Variants in DST observed in about 807,000 individuals in gnomAD.
The protein encoded by DST is bullous pemphigoid antigen.
In DST, 253 loss-of-function variants were observed where a neutral mutation model predicts 875.2. The observed-to-expected ratio is 0.29, with a 90% CI of 0.26 to 0.32. DST has a LOEUF of 0.32. DST is among the 10% of genes least tolerant of loss of function. The pLI is 1.00. For synonymous variants in DST, 3,124 were observed against 3,197.1 expected, an observed-to-expected ratio of 0.98 and a Z score of 0.77; for missense variants, 8,287 against 9,111.6, an observed-to-expected ratio of 0.91 and a Z score of 3.68.
intron 4 of DST, among the ~76,000 whole-genome samples, chr6:56,771,803 C>T (rs2099666738): frequency 6.6e-6 from 1 of 152,184 alleles, no homozygotes; most frequent in African/African-American, 2.4e-5. Flanking sequence ...TCTAAATGCA[C>T]ATATACATGT....
intron 69 of DST, among the ~76,000 whole-genome samples, chr6:56,517,920 T>A (rs900682021): frequency 4.6e-5 from 7 of 152,152 alleles, no homozygotes; most frequent in Non-Finnish European, 7.4e-5. Flanking sequence ...ACCTTAGGAG[T>A]ACTGTCCAAA....
At chr6:56,526,727 T>C (rs1404792710) in intron 68 of DST, among the ~76,000 whole-genome samples, 160 bp from the exon 69 acceptor site, 2 of 151,914 alleles carry the variant, frequency 1.3e-5, no homozygotes, top group Non-Finnish European at 2.9e-5. Flanking sequence ...CTTTTTTATC[T>C]AAAGCTATTT....
Position 56,471,098 on chromosome 6 carries a change from G to C in DST, c.22321+8C>G. Reference sequence around the variant, plus strand: ...GTATCAGTCATAGTCATCTGTCTTGGAACTTACTTGAGGAAAGAATTCCAT... The same window carrying C: ...GTATCAGTCATAGTCATCTGTCTTGCAACTTACTTGAGGAAAGAATTCCAT... On this transcript the variant is annotated splice_region_variant and intron_variant, in intron 95 of 103. Transcript: ENST00000680361. 1 of 1,609,580 alleles carries C rather than the reference G, an allele frequency of 6.2e-7. No individual in the cohort carries two copies.
chr6:56,702,208 A>G (rs2099311586), intron 7 of DST, among the ~76,000 whole-genome samples: 1 of 152,138 alleles, frequency 6.6e-6, no homozygotes, highest in Admixed American at 6.6e-5. Flanking sequence ...TTTTTGTTTA[A>G]ACAAAAGGAA....
At chr6:56,831,894 G>A (rs897265273) in intron 4 of DST, among the ~76,000 whole-genome samples, 1 of 151,974 alleles carries the variant, frequency 6.6e-6, no homozygotes, top group Admixed American at 6.6e-5. Flanking sequence ...CTAGAAATAT[G>A]AGAAAGGTTG....
intron 4 of DST, among the ~76,000 whole-genome samples, chr6:56,844,276 C>G (rs762695982): frequency 1.3e-5 from 2 of 152,176 alleles, no homozygotes; most frequent in African/African-American, 2.4e-5. Flanking sequence ...GCCTGAGCTC[C>G]CGGCCGCCGC....
chr6:56,946,251 G>C (rs1819434224), intron 2 of DST, among the ~76,000 whole-genome samples: 3 of 152,168 alleles, frequency 2.0e-5, no homozygotes, highest in African/African-American at 7.2e-5. Flanking sequence ...TCAAATACTG[G>C]ATAGATCAAC....
rs140899325 is a variant in DST, at chr6:56,820,245, T to C, written c.625+31152A>G. Among the ~76,000 whole-genome samples the C allele has an allele frequency of 6.0e-3, 920 of 152,350 alleles. 7 individuals carry two copies. Among genetic ancestry groups the C allele is most frequent in the Non-Finnish European group, 7.7e-3 (521 of 68,020 alleles). ...TCAAGTCATTGCTTTGAGGATGACATAATTCACAGAAAACACTTATACTAT... is the reference window on the plus strand; with the variant it reads ...TCAAGTCATTGCTTTGAGGATGACACAATTCACAGAAAACACTTATACTAT... On this transcript the variant is annotated intron_variant, in intron 4 of 103. Coordinates refer to ENST00000680361, the MANE Select transcript of DST (RefSeq NM_001374736.1).
In DST at chr6:56,900,556, T is replaced by C. The variant is rs375724834; in HGVS notation, c.282A>G (p.Glu94=). 4.4e-6 allele frequency: 6 copies of C among 1,367,580 alleles called. No homozygotes were observed. Among genetic ancestry groups the C allele is most frequent in the Non-Finnish European group, 5.9e-6 (6 of 1,021,866 alleles). The allele number at this position is 1,367,580 out of a possible 1,614,324, so 84.7% of individuals were successfully genotyped here. The change falls in exon 3 of 104, where the codon GAA becomes GAG. Residue 94 remains glutamate, a synonymous_variant. Transcript: ENST00000680361. The part of the protein sequence containing the change: ...RVAAAAAARL[E]EVKPVVEVHH... ...GAACTTCCACCACGGGCTTCACTTC[T>C]TCCAGACGGGCAGCTGCGGCCGCTG...
chr6:56,694,627 G>T (rs1253085391), intron 9 of DST, among the ~76,000 whole-genome samples: 1 of 152,134 alleles, frequency 6.6e-6, no homozygotes, highest in East Asian at 1.9e-4. Context: ...TGATGGAGGG[G>T]CAACCAGTGA....
At chr6:56,679,650 G>A (rs943190828) in intron 9 of DST, among the ~76,000 whole-genome samples, 10 of 150,762 alleles carry the variant, frequency 6.6e-5, no homozygotes, top group African/African-American at 2.4e-4. Context: ...ACGTGCCTGC[G>A]GTCCAAGCTT....
chr6:56,632,781 T>G, intron 28 of DST, 73 bp downstream of exon 28: 1 of 1,238,164 alleles, frequency 8.1e-7, no homozygotes, highest in Non-Finnish European at 1.2e-6. Flanking sequence ...AGATTGAGAT[T>G]CCCATTGAGA....
At position 56,926,766 on chromosome 6, in the gene DST, G is replaced by A. The variant is rs189819475; in HGVS notation, c.217-26145C>T. 2.9e-4 allele frequency among the ~76,000 whole-genome samples: 21 copies of A among 72,718 alleles called. No individual in the cohort carries two copies. The East Asian group carries it at 5.5e-3, about 19-fold the overall frequency. 47.7% of individuals were successfully genotyped at this position (72,718 alleles called of 152,430 possible). ...TCCTGAGTGTAGAGCTTATTAAATC[G>A]TGTAACTAAGTCAATGGGAGGATAT... is the stretch of plus-strand genomic sequence containing the variant. On this transcript the variant is annotated intron_variant, in intron 2 of 103. Transcript: ENST00000680361.
At chr6:56,783,824 G>A (rs1371013047) in intron 4 of DST, among the ~76,000 whole-genome samples, 1 of 152,142 alleles carries the variant, frequency 6.6e-6, no homozygotes, top group African/African-American at 2.4e-5. Flanking sequence ...TAGTCTCAAT[G>A]GTCTTTACAT....
At chr6:56,545,111 C>T (rs1360211167) in intron 61 of DST, among the ~76,000 whole-genome samples, 1 of 152,066 alleles carries the variant, frequency 6.6e-6, no homozygotes, top group East Asian at 1.9e-4. Flanking sequence ...CTCTCGGGCT[C>T]ATGTGATCCT....
At chr6:56,543,195 A>T (rs2097167812) in intron 61 of DST, among the ~76,000 whole-genome samples, 1 of 152,214 alleles carries the variant, frequency 6.6e-6, no homozygotes, top group Non-Finnish European at 1.5e-5. Context: ...AAGGGGGGCT[A>T]CATAGGTCCC....
In DST at chr6:56,535,095, C is replaced by T. The variant is rs184336205; in HGVS notation, c.16941+27G>A. 24 of 1,605,950 alleles carry T rather than the reference C, an allele frequency of 1.5e-5. No individual in the cohort carries two copies. In the East Asian group the frequency reaches 4.3e-4, roughly 28 times the overall value. On this transcript the variant is annotated intron_variant, in intron 63 of 103. Coordinates refer to ENST00000680361, the MANE Select transcript of DST (RefSeq NM_001374736.1). Reference sequence around the variant, plus strand: ...CTTGTTATTAAGATTTAATATGAAACGCAATACAAAAGCATGACTAACTTA... The same window carrying T: ...CTTGTTATTAAGATTTAATATGAAATGCAATACAAAAGCATGACTAACTTA...
rs147063368 is a variant in DST at position 56,469,419 on chromosome 6, C to T, written c.22552-420G>A. 6.3e-3 allele frequency among the ~76,000 whole-genome samples: 947 copies of T among 150,954 alleles called. 9 individuals are homozygous for T. Among genetic ancestry groups the T allele is most frequent in the South Asian group, 0.048 (227 of 4,774 alleles). ...TTCTTCTGTTTTGAAGAGAGTGAACCGAGTTAATTGAGATTTTGAATAAAA... is the reference window on the plus strand; with the variant it reads ...TTCTTCTGTTTTGAAGAGAGTGAACTGAGTTAATTGAGATTTTGAATAAAA... On this transcript the variant is annotated intron_variant, in intron 97 of 103. Transcript: ENST00000680361.
chr6:56,619,670 GCTT>G, intron 36 of DST: 1 of 1,613,714 alleles, frequency 6.2e-7, no homozygotes, highest in Non-Finnish European at 8.5e-7. Context: ...TTCTTGCATG[GCTT>G]CTTCAGCTTT....
Sources: gnomAD v4.1 joint callset for allele counts (sites outside exome capture counted in the v4.1 genomes callset) on GRCh38, gnomAD v4.1.1 for gene constraint, MANE v1.5 for transcripts, NCBI Gene and HGNC (gene_info 2026-07-23, HGNC 2026-07-21) for gene names.